The following TMEM163 variants were observed in gnomAD, a reference collection of about 807,000 sequenced individuals.
TMEM163 encodes the protein transmembrane protein 163.
Under a neutral mutation model 29.3 loss-of-function variants are expected in TMEM163, and 17 were observed. The observed-to-expected ratio is 0.58, with a 90% confidence interval of 0.40 to 0.87. The LOEUF (loss-of-function observed/expected upper bound fraction) is 0.87, where lower values mean the gene tolerates loss of function less well. TMEM163 is among the 40% of genes least tolerant of loss of function. The probability of loss-of-function intolerance (pLI) is 0.00; values close to 1 mark genes in which losing one functional copy is unlikely to be tolerated. For missense variants in TMEM163, 303 were observed against 381.5 expected (o/e 0.79, Z 1.71); for synonymous variants, 157 against 160.6 (o/e 0.98, Z 0.17).
At chr2:134,691,169 G>A (rs184837642) in intron 2 of TMEM163, among the ~76,000 whole-genome samples, 10 of 152,306 alleles carry the variant, frequency 6.6e-5, no homozygotes, top group Admixed American at 2.6e-4. Flanking sequence ...AGGACTTTGG[G>A]GAGAACAGGG....
intron 2 of TMEM163, among the ~76,000 whole-genome samples, chr2:134,582,393 C>A (rs999106666): frequency 6.6e-6 from 1 of 152,184 alleles, no homozygotes; most frequent in Non-Finnish European, 1.5e-5. Context: ...CTCTACAAAC[C>A]GCACGCTTTT....
At chr2:134,594,624 C>T (rs920435424) in intron 2 of TMEM163, among the ~76,000 whole-genome samples, 3 of 152,228 alleles carry the variant, frequency 2.0e-5, no homozygotes, top group Admixed American at 2.0e-4. Context: ...AACTGTAGAT[C>T]AGGGAGGCAC....
At chr2:134,571,847 TGCATAGGTCATATACTGC>T (rs951031307) in intron 2 of TMEM163, among the ~76,000 whole-genome samples, 2 of 152,158 alleles carry the variant, frequency 1.3e-5, no homozygotes, top group African/African-American at 2.4e-5. Context: ...GGGGGCTTGT[TGCATAGGTCATATACTGC>T]CTGGCATGTA....
intron 2 of TMEM163, among the ~76,000 whole-genome samples, chr2:134,634,017 A>ATATG (rs1683046928): frequency 5.7e-5 from 2 of 34,868 alleles, no homozygotes; most frequent in Non-Finnish European, 8.5e-5. Context: ...ATATATATAT[A>ATATG]TATAATAGGA....
intron 2 of TMEM163, among the ~76,000 whole-genome samples, chr2:134,591,006 G>A (rs1373127142): frequency 6.6e-6 from 1 of 152,166 alleles, no homozygotes; most frequent in Non-Finnish European, 1.5e-5. Flanking sequence ...CCTGACACAT[G>A]TGCAGTAAGG....
intron 5 of TMEM163, among the ~76,000 whole-genome samples, chr2:134,491,930 G>A (rs991811612): frequency 1.3e-5 from 2 of 152,160 alleles, no homozygotes; most frequent in African/African-American, 4.8e-5. Flanking sequence ...AAATCCTACT[G>A]TAAGCAGGAG....
intron 4 of TMEM163, among the ~76,000 whole-genome samples, chr2:134,538,370 C>T (rs931913373): frequency 1.3e-5 from 2 of 152,328 alleles, no homozygotes; most frequent in East Asian, 1.9e-4. Context: ...GAGATATAAA[C>T]GTCTGTTGTT....
intron 2 of TMEM163, among the ~76,000 whole-genome samples, chr2:134,700,522 G>A (rs1209015107): frequency 6.6e-6 from 1 of 152,096 alleles, no homozygotes; most frequent in Non-Finnish European, 1.5e-5. Context: ...GACACTTCCA[G>A]GGAAATATCG....
intron 5 of TMEM163, among the ~76,000 whole-genome samples, chr2:134,491,065 A>C (rs1364993285): frequency 6.6e-6 from 1 of 152,200 alleles, no homozygotes; most frequent in Non-Finnish European, 1.5e-5. Context: ...AACCTTACAG[A>C]GAGAAAGAAG....
Position 134,517,486 on chromosome 2 carries a change from G to A in TMEM163, c.459-14489C>T, listed in dbSNP as rs376278862. Among the ~76,000 whole-genome samples the A allele has an allele frequency of 5.9e-5, 9 of 152,200 alleles. No homozygotes were observed. In the East Asian group the frequency reaches 1.2e-3, roughly 20 times the overall value. ...TTGAGGCTTGCCGCGTAGACAAGCC[G>A]GAATTTTCTTTATCTGGGTGTTTGT... On this transcript the variant is annotated intron_variant, in intron 4 of 7. Coordinates refer to ENST00000281924, the MANE Select transcript of TMEM163 (RefSeq NM_030923.5).
Position 134,635,531 on chromosome 2 carries a change from G to C in TMEM163, c.322+77669C>G, listed in dbSNP as rs145216414. The stretch of plus-strand genomic sequence containing the variant: ...TATTATACTAGAGGGACCAGAACAA[G>C]CATTCGATGCCGCTAGAGTCCTGGA... On this transcript the variant is annotated intron_variant, in intron 2 of 7. Coordinates refer to ENST00000281924, the MANE Select transcript of TMEM163 (RefSeq NM_030923.5). 1.8e-4 allele frequency among the ~76,000 whole-genome samples: 28 copies of C among 152,218 alleles called. 2 individuals are homozygous for C. Among genetic ancestry groups the C allele is most frequent in the African/African-American group, 5.8e-4 (24 of 41,530 alleles).
chr2:134,512,087 G>C (rs970355112), intron 4 of TMEM163, among the ~76,000 whole-genome samples: 4 of 152,178 alleles, frequency 2.6e-5, no homozygotes, highest in African/African-American at 9.7e-5. Flanking sequence ...AAATAAACCT[G>C]CTGTGCATTA....
At chr2:134,509,900 T>C (rs775833889) in intron 4 of TMEM163, among the ~76,000 whole-genome samples, 5 of 152,236 alleles carry the variant, frequency 3.3e-5, no homozygotes, top group Non-Finnish European at 7.3e-5. Flanking sequence ...TAGAAGGCTT[T>C]GGAGGTTACT....
At chr2:134,516,780 C>CATATACATATGCATATATATGAAT (rs1680078809) in intron 4 of TMEM163, among the ~76,000 whole-genome samples, 1 of 139,460 alleles carries the variant, frequency 7.2e-6, no homozygotes. Flanking sequence ...CATATCTATT[C>CATATACATATGCATATATATGAAT]ATATATATAT....
chr2:134,605,749 AAAAAG>A (rs932534227), intron 2 of TMEM163, among the ~76,000 whole-genome samples: 7 of 152,022 alleles, frequency 4.6e-5, no homozygotes, highest in Admixed American at 6.6e-5. Flanking sequence ...GGAGAGGAGA[AAAAAG>A]AAAAGAAAAG....
intron 2 of TMEM163, among the ~76,000 whole-genome samples, chr2:134,570,497 T>TAC (rs1681397867): frequency 1.4e-5 from 2 of 140,886 alleles, no homozygotes; most frequent in African/African-American, 6.4e-5. Context: ...CATATACATA[T>TAC]ACATATACAT....
intron 2 of TMEM163, among the ~76,000 whole-genome samples, chr2:134,578,034 G>A (rs1041641689): frequency 2.0e-5 from 3 of 151,950 alleles, no homozygotes; most frequent in South Asian, 2.1e-4. Flanking sequence ...AACCCCTCTC[G>A]GGTGCGGAGG....
chr2:134,676,185 T>C (rs1421304698), intron 2 of TMEM163, among the ~76,000 whole-genome samples: 4 of 152,186 alleles, frequency 2.6e-5, no homozygotes, highest in Non-Finnish European at 5.9e-5. Context: ...ACTCTCCCCA[T>C]TGCCAATTTC....
At chr2:134,646,083 C>T (rs532232288) in intron 2 of TMEM163, among the ~76,000 whole-genome samples, 4 of 150,234 alleles carry the variant, frequency 2.7e-5, no homozygotes, top group Admixed American at 6.6e-5. Flanking sequence ...GTGTAACTTG[C>T]GGAATGGCTT....
Sources: allele counts gnomAD v4.1 joint callset (sites outside exome capture counted in the v4.1 genomes callset), GRCh38; gene constraint gnomAD v4.1.1; transcripts MANE v1.5; gene names NCBI Gene and HGNC (gene_info 2026-07-23, HGNC 2026-07-21).